Variants in QTGAL observed in about 807,000 individuals in gnomAD.
QTGAL encodes the protein BGnT-like protein 1.
chr17:83,030,706 C>T, the QTGAL span: 32,722 of 152,486 alleles, frequency 0.21, 3,863 homozygotes, highest in South Asian at 0.32. Context: ...CTGCAGCGCC[C>T]GCCCCGCCTT....
At chr17:83,035,072 G>T in the QTGAL span, 2 of 1,612,736 alleles carry the variant, frequency 1.2e-6, no homozygotes, top group Non-Finnish European at 1.7e-6. Flanking sequence ...TGAGCTCTGG[G>T]CAACTGCTTG....
At chr17:82,962,848 G>A in the QTGAL span, among the ~76,000 whole-genome samples, 71,619 of 151,976 alleles carry the variant, frequency 0.47, 17,000 homozygotes, top group South Asian at 0.53. Flanking sequence ...GTCAACAGCC[G>A]CTCCCGGGTG....
At chr17:83,012,271 C>T in the QTGAL span, among the ~76,000 whole-genome samples, 11 of 149,964 alleles carry the variant, frequency 7.3e-5, no homozygotes, top group African/African-American at 2.2e-4. Flanking sequence ...TGAACACACG[C>T]CACGAACTCC....
the QTGAL span, among the ~76,000 whole-genome samples, chr17:83,037,334 C>T: frequency 4.4e-4 from 67 of 152,350 alleles, 1 homozygote; most frequent in South Asian, 1.9e-3. This position sits in a 1 kb window ranked among gnomAD's most constrained non-coding sequence, Gnocchi z 5.2. Flanking sequence ...AGAAGCGAGA[C>T]GCACAGAGTC....
chr17:82,986,126 C>T, the QTGAL span, among the ~76,000 whole-genome samples: 1 of 152,252 alleles, frequency 6.6e-6, no homozygotes, highest in Non-Finnish European at 1.5e-5. Context: ...ACCCTCTCCG[C>T]TTCCCAGCCA....
chr17:82,970,120 A>G, the QTGAL span, among the ~76,000 whole-genome samples: 3 of 152,296 alleles, frequency 2.0e-5, no homozygotes, highest in African/African-American at 7.2e-5. Context: ...CTGCGTCGTG[A>G]CAGGTGGGTG....
the QTGAL span, among the ~76,000 whole-genome samples, chr17:83,039,185 C>T: frequency 0.17 from 23,622 of 139,358 alleles, 2,466 homozygotes; most frequent in Non-Finnish European, 0.21. Context: ...TGTTTATGCC[C>T]CTGGCTTTTT....
At chr17:83,014,629 C>T in the QTGAL span, 2 of 1,223,122 alleles carry the variant, frequency 1.6e-6, no homozygotes, top group Non-Finnish European at 1.2e-6. Flanking sequence ...AATCATAGCT[C>T]ACTGCAGCCT....
the QTGAL span, among the ~76,000 whole-genome samples, chr17:82,970,592 G>GCACCCGGCGTGGCCGCAACCTCCC: frequency 1.7e-5 from 1 of 60,176 alleles, no homozygotes; most frequent in African/African-American, 7.8e-5. Context: ...CGCGACCTCC[G>GCACCCGGCGTGGCCGCAACCTCCC]CACCCGGCGT....
At chr17:83,018,825 G>A in the QTGAL span, among the ~76,000 whole-genome samples, 2 of 152,234 alleles carry the variant, frequency 1.3e-5, no homozygotes, top group African/African-American at 4.8e-5. Flanking sequence ...GACGCTGGCA[G>A]GGCTGGGGCG....
chr17:83,018,128 G>A, the QTGAL span, among the ~76,000 whole-genome samples: 4 of 151,672 alleles, frequency 2.6e-5, no homozygotes, highest in African/African-American at 9.7e-5. Flanking sequence ...CACAAACACG[G>A]TGCACCTGCA....
the QTGAL span, among the ~76,000 whole-genome samples, chr17:82,977,151 A>G: frequency 6.6e-6 from 1 of 152,376 alleles, no homozygotes; most frequent in Non-Finnish European, 1.5e-5. Context: ...GAACACTGGG[A>G]AACGTATTCT....
At chr17:83,042,032 A>T in the QTGAL span, among the ~76,000 whole-genome samples, 3 of 142,288 alleles carry the variant, frequency 2.1e-5, no homozygotes, top group Admixed American at 7.0e-5. Context: ...AAAAGATAGT[A>T]CTATTTTGGT....
the QTGAL span, chr17:83,048,535 C>T: frequency 6.2e-7 from 1 of 1,614,000 alleles, no homozygotes; most frequent in African/African-American, 1.3e-5. Context: ...CTTCCAGCTT[C>T]ACTCTCCATT....
chr17:83,042,294 T>C, the QTGAL span, among the ~76,000 whole-genome samples: 1 of 152,190 alleles, frequency 6.6e-6, no homozygotes, highest in Non-Finnish European at 1.5e-5. Flanking sequence ...TTGAACCTAC[T>C]GGGTGGAGGT....
chr17:82,945,576 G>C, the QTGAL span: 1 of 152,170 alleles, frequency 6.6e-6, no homozygotes, highest in Non-Finnish European at 1.5e-5. Context: ...TTAAAGAAGA[G>C]AACAAAATTA....
chr17:83,043,384 T>C, the QTGAL span, among the ~76,000 whole-genome samples: 4 of 152,174 alleles, frequency 2.6e-5, no homozygotes, highest in African/African-American at 7.2e-5. Flanking sequence ...GAAAAATTCA[T>C]AAATAAATGA....
chr17:83,000,514 G>A, the QTGAL span, among the ~76,000 whole-genome samples: 3 of 152,098 alleles, frequency 2.0e-5, no homozygotes, highest in Non-Finnish European at 4.4e-5. Flanking sequence ...TGGTCTATAA[G>A]TGTTTGTATG....
the QTGAL span, among the ~76,000 whole-genome samples, chr17:82,967,729 G>GC: frequency 6.6e-6 from 1 of 151,756 alleles, no homozygotes; most frequent in Admixed American, 6.6e-5. Flanking sequence ...AATCGCTTGA[G>GC]CCCAGGACTC....
Sources: gnomAD v4.1 joint callset for allele counts (sites outside exome capture counted in the v4.1 genomes callset) on GRCh38, gnomAD v4.1.1 for gene constraint, Gnocchi (gnomAD v3.1) non-coding constraint, MANE v1.5 for transcripts, NCBI Gene and HGNC (gene_info 2026-07-23, HGNC 2026-07-21) for gene names.